The following PPP3CA variants were observed in gnomAD, a reference collection of about 807,000 sequenced individuals.
The protein encoded by PPP3CA is protein phosphatase 3 catalytic subunit alpha, also known as CAM-PRP catalytic subunit.
Under a neutral mutation model 66.5 loss-of-function variants are expected in PPP3CA, and 14 were observed. That is an observed-to-expected ratio of 0.21 (90% CI 0.14 to 0.33). The LOEUF (loss-of-function observed/expected upper bound fraction) is 0.33. PPP3CA is among the 10% of genes least tolerant of loss of function. PPP3CA has a pLI of 1.00. For synonymous variants in PPP3CA, 232 were observed against 226.2 expected (o/e 1.03, Z -0.23); for missense variants, 317 against 639.5 (o/e 0.50, Z 5.44).
At chr4:101,210,139 A>C (rs1410822887) in intron 1 of PPP3CA, among the ~76,000 whole-genome samples, 4 of 152,128 alleles carry the variant, frequency 2.6e-5, no homozygotes, top group Non-Finnish European at 5.9e-5. Context: ...CCTCACCATT[A>C]CCATAGTAAC....
chr4:101,273,232 T>TA (rs1345297801), intron 1 of PPP3CA, among the ~76,000 whole-genome samples: 1 of 152,208 alleles, frequency 6.6e-6, no homozygotes, highest in East Asian at 1.9e-4. Flanking sequence ...CTATTACTCT[T>TA]AAAGAATTAA....
At chr4:101,030,765 G>C (rs931627705) in intron 12 of PPP3CA, among the ~76,000 whole-genome samples, 2 of 152,090 alleles carry the variant, frequency 1.3e-5, no homozygotes, top group Non-Finnish European at 2.9e-5. Flanking sequence ...GTTCTAAAGC[G>C]AATGTTAAAT....
At position 101,202,011 on chromosome 4, in the gene PPP3CA, A is replaced by T. The variant is rs115641145; in HGVS notation, c.59-5895T>A. On this transcript the variant is annotated intron_variant, in intron 1 of 13. Coordinates refer to ENST00000394854, the MANE Select transcript of PPP3CA (RefSeq NM_000944.5). ...TCTGAAGAGCTTACCAGGTGGTATA[A>T]TTATTAGTTTTTGCTTGAGATAGTT... Among the ~76,000 whole-genome samples the T allele has an allele frequency of 4.5e-3, 684 of 152,324 alleles. 7 individuals carry two copies. Among genetic ancestry groups the T allele is most frequent in the African/African-American group, 0.016 (653 of 41,572 alleles).
intron 1 of PPP3CA, among the ~76,000 whole-genome samples, chr4:101,341,521 T>C (rs1729817202): frequency 1.3e-5 from 2 of 152,198 alleles, no homozygotes; most frequent in Admixed American, 6.5e-5. Context: ...AGAAAATACA[T>C]AACACGTGTC....
intron 1 of PPP3CA, among the ~76,000 whole-genome samples, chr4:101,206,958 T>A (rs1340780456): frequency 6.6e-6 from 1 of 152,064 alleles, no homozygotes; most frequent in Non-Finnish European, 1.5e-5. Context: ...TGCCACATGG[T>A]GTGGGGGAAG....
Position 101,035,223 on chromosome 4 carries a change from C to T in PPP3CA, c.1242-2859G>A, listed in dbSNP as rs191011796. On this transcript the variant is annotated intron_variant, in intron 11 of 13. Coordinates refer to ENST00000394854, the MANE Select transcript of PPP3CA (RefSeq NM_000944.5). ...GGTGGAGGTTGCAGTGAGCAGAGAT[C>T]GTGCCACTGCACTCCAGCCAGAGCG... Among the ~76,000 whole-genome samples the T allele has an allele frequency of 5.2e-4, 79 of 152,138 alleles. No homozygotes were observed. The East Asian group carries it at 0.014, about 26-fold the overall frequency.
intron 11 of PPP3CA, among the ~76,000 whole-genome samples, chr4:101,038,374 C>CTT (rs751990204): frequency 4.2e-5 from 6 of 142,954 alleles, no homozygotes; most frequent in South Asian, 2.2e-4. Flanking sequence ...CTTTTTTTTT[C>CTT]TTTTTTTTTT....
intron 1 of PPP3CA, among the ~76,000 whole-genome samples, chr4:101,258,607 G>A (rs1726916558): frequency 6.6e-6 from 1 of 151,994 alleles, no homozygotes; most frequent in African/African-American, 2.4e-5. Context: ...TCATTCCTTT[G>A]AATTTTTTTC....
At chr4:101,117,089 T>C (rs1425395865) in intron 2 of PPP3CA, among the ~76,000 whole-genome samples, 1 of 151,896 alleles carries the variant, frequency 6.6e-6, no homozygotes, top group African/African-American at 2.4e-5. Flanking sequence ...CATTTCTTTA[T>C]ATTTATGATG....
At chr4:101,327,580 T>C (rs1729246338) in intron 1 of PPP3CA, among the ~76,000 whole-genome samples, 1 of 152,204 alleles carries the variant, frequency 6.6e-6, no homozygotes, top group Admixed American at 6.5e-5. Flanking sequence ...CTGGAATGTT[T>C]AATCACTGGT....
intron 1 of PPP3CA, among the ~76,000 whole-genome samples, chr4:101,286,930 G>T (rs1455150909): frequency 2.0e-5 from 3 of 151,794 alleles, no homozygotes; most frequent in Admixed American, 6.6e-5. Context: ...ATCAGTTTTC[G>T]ACAGCTGGGA....
At chr4:101,131,228 C>G (rs1460735607) in intron 2 of PPP3CA, among the ~76,000 whole-genome samples, 1 of 141,724 alleles carries the variant, frequency 7.1e-6, no homozygotes, top group East Asian at 2.0e-4. Context: ...AAAAGTGAGA[C>G]TCCGTCTCAA....
intron 9 of PPP3CA, 88 bp from the exon 10 acceptor site, chr4:101,061,249 C>T: frequency 9.0e-7 from 1 of 1,106,002 alleles, no homozygotes; most frequent in Admixed American, 1.9e-5. Flanking sequence ...GCAAACTTAG[C>T]AATAACATTT....
At chr4:101,285,465 G>A (rs1056789275) in intron 1 of PPP3CA, among the ~76,000 whole-genome samples, 6 of 151,968 alleles carry the variant, frequency 3.9e-5, no homozygotes, top group Non-Finnish European at 7.4e-5. Context: ...GTTTTTGTAC[G>A]GCTTAAAGAG....
intron 8 of PPP3CA, among the ~76,000 whole-genome samples, chr4:101,070,939 A>G (rs1203427739): frequency 1.3e-5 from 2 of 152,190 alleles, no homozygotes; most frequent in Non-Finnish European, 2.9e-5. Flanking sequence ...AAACATTGGC[A>G]ATTATCAGTT....
intron 1 of PPP3CA, among the ~76,000 whole-genome samples, chr4:101,333,435 A>AT (rs1265202577): frequency 1.3e-5 from 2 of 150,756 alleles, no homozygotes; most frequent in African/African-American, 2.4e-5. Flanking sequence ...CTCAATCTTC[A>AT]TTTTTTTCTC....
At chr4:101,089,636 C>G (rs1048191236) in intron 6 of PPP3CA, among the ~76,000 whole-genome samples, 1 of 152,168 alleles carries the variant, frequency 6.6e-6, no homozygotes, top group Non-Finnish European at 1.5e-5. Context: ...AACACCAAAT[C>G]CAGCTGCCAG....
At chr4:101,276,088 T>C (rs539602937) in intron 1 of PPP3CA, among the ~76,000 whole-genome samples, 4 of 152,040 alleles carry the variant, frequency 2.6e-5, no homozygotes, top group Non-Finnish European at 5.9e-5. Context: ...ACAGATAAGA[T>C]GTGACTATGT....
chr4:101,071,977 C>T (rs971730304), intron 8 of PPP3CA, among the ~76,000 whole-genome samples: 3 of 152,098 alleles, frequency 2.0e-5, no homozygotes, highest in East Asian at 3.9e-4. Context: ...TTATATTCTA[C>T]CATCCCTTCC....
Sources: gnomAD v4.1 joint callset for allele counts (sites outside exome capture counted in the v4.1 genomes callset) on GRCh38, gnomAD v4.1.1 for gene constraint, MANE v1.5 for transcripts, NCBI Gene and HGNC (gene_info 2026-07-23, HGNC 2026-07-21) for gene names.